Variants in NECAB2 observed in about 807,000 individuals in gnomAD.
NECAB2 encodes the protein N-terminal EF-hand calcium-binding protein 2.
A neutral mutation model predicts 51.9 loss-of-function variants in NECAB2; 68 were observed. That is an observed-to-expected ratio of 1.31 (90% CI 1.08 to 1.60). The LOEUF (loss-of-function observed/expected upper bound fraction) is 1.60, where lower values mean the gene tolerates loss of function less well. Ranked by LOEUF, NECAB2 falls within the 40% of genes most tolerant of loss-of-function variation. The pLI is 0.00. For synonymous variants in NECAB2, 329 were observed against 203.5 expected (o/e 1.62, Z -5.25); for missense variants, 854 against 490.3 (o/e 1.74, Z -7.00).
intron 8 of NECAB2, among the ~76,000 whole-genome samples, chr16:83,995,520 A>G (rs1019061589): frequency 6.6e-6 from 1 of 152,192 alleles, no homozygotes; most frequent in Admixed American, 6.5e-5. Flanking sequence ...GTTAGCAATT[A>G]TTATGAGGCA....
At chr16:84,000,925 A>C in intron 11 of NECAB2, 124 bp downstream of exon 11, 1 of 922,584 alleles carries the variant, frequency 1.1e-6, no homozygotes, top group Non-Finnish European at 1.7e-6. Context: ...TTCCCGAGGC[A>C]TCTACCCGCT....
At chr16:83,992,513 G>A (rs1297355408) in intron 6 of NECAB2, among the ~76,000 whole-genome samples, 9 of 152,204 alleles carry the variant, frequency 5.9e-5, no homozygotes, top group South Asian at 2.1e-4. Context: ...GCCAGGTGTC[G>A]GCACCCAAGC....
In NECAB2 at chr16:83,981,034, C is replaced by T. The variant is rs771772118; in HGVS notation, c.366C>T (p.Tyr122=). Residue 122 remains tyrosine (Y), a synonymous_variant, in exon 5 of 13, where the codon TAC becomes TAT. Transcript: ENST00000305202. ...CCTTTGCCTTTCCTTCCCCAGATTA[C>T]TTTGTGGACCACATGGGTGACTATG... is the stretch of plus-strand genomic sequence containing the variant. ...NHVDTKELCD[Y]FVDHMGDYED... 12 of 1,614,076 alleles carry T rather than the reference C, an allele frequency of 7.4e-6. No homozygotes were observed. The African/African-American group carries it at 1.1e-4, about 14-fold the overall frequency.
chr16:83,984,780 C>G (rs1175851430), intron 5 of NECAB2, among the ~76,000 whole-genome samples: 3 of 152,116 alleles, frequency 2.0e-5, no homozygotes, highest in Non-Finnish European at 4.4e-5. Flanking sequence ...TTAAGTTTCT[C>G]CCATTTTTCT....
At chr16:83,973,381 C>T (rs1451108959) in intron 2 of NECAB2, among the ~76,000 whole-genome samples, 1 of 152,132 alleles carries the variant, frequency 6.6e-6, no homozygotes, top group Admixed American at 6.5e-5. Flanking sequence ...GGTGCACAGG[C>T]CTGGGCTGGA....
chr16:83,976,082 C>T (rs190088406), intron 2 of NECAB2, among the ~76,000 whole-genome samples: 1 of 152,118 alleles, frequency 6.6e-6, no homozygotes, highest in Non-Finnish European at 1.5e-5. Context: ...GCAGAGGGGG[C>T]CCAAGGTACC....
rs998795128 is a variant in NECAB2 at position 83,989,629 on chromosome 16, A to G, written c.460-865A>G. 3.3e-5 allele frequency among the ~76,000 whole-genome samples: 5 copies of G among 152,238 alleles called. No homozygotes were observed. The East Asian group carries it at 9.7e-4, about 29-fold the overall frequency. On this transcript the variant is annotated intron_variant, in intron 5 of 12. Transcript: ENST00000305202. ...GGTTTGGGAGACCCAAGATCCCCCA[A>G]CACAGCATCATTTTCATCATCCCGT...
chr16:83,983,312 A>G (rs1353759739), intron 5 of NECAB2, among the ~76,000 whole-genome samples: 1 of 152,120 alleles, frequency 6.6e-6, no homozygotes, highest in Non-Finnish European at 1.5e-5. Context: ...TCTGCATTCT[A>G]ACACGTGCCC....
intron 12 of NECAB2, 145 bp from the exon 13 acceptor site, chr16:84,002,173 T>TTTGCACCTGGGTGACCAGC (rs1270853249): frequency 1.5e-5 from 17 of 1,124,342 alleles, no homozygotes; most frequent in Non-Finnish European, 2.3e-5. Flanking sequence ...AGGTGTGTGG[T>TTTGCACCTGGGTGACCAGC]TTGCACCTGG....
chr16:83,998,361 T>G, intron 10 of NECAB2, 44 bp downstream of exon 10: 1 of 1,570,406 alleles, frequency 6.4e-7, no homozygotes, highest in Non-Finnish European at 8.7e-7. Context: ...GGCAGGGAGC[T>G]CTGCCTGGCA....
Position 83,968,830 on chromosome 16 carries a change from G to T in NECAB2, c.182G>T (p.Gly61Val). 1 of 1,123,350 alleles carries T rather than the reference G, an allele frequency of 8.9e-7. No homozygotes were observed. The highest frequency in any genetic ancestry group is 1.1e-6 in the Non-Finnish European group (1 of 919,300). The allele number at this position is 1,123,350 out of a possible 1,614,324, so 69.6% of individuals were successfully genotyped here. ...ADPGPASPRG[G>V]TAVILDIFRR... ...CCCGGCCCAGCCTCGCCGCGCGGGG[G>T]CACCGCCGTCATCCTGGACGTGAGT... The change falls in exon 1 of 13, where the codon GGC (glycine) becomes GTC (valine). Residue 61 changes from glycine to valine, a missense_variant. Coordinates refer to ENST00000305202, the MANE Select transcript of NECAB2 (RefSeq NM_019065.3).
At chr16:83,973,992 G>A (rs1567663889) in intron 2 of NECAB2, among the ~76,000 whole-genome samples, 1 of 152,050 alleles carries the variant, frequency 6.6e-6, no homozygotes, top group Non-Finnish European at 1.5e-5. Context: ...GCACAGATGG[G>A]GTTCTGTCCT....
At chr16:83,993,666 GTGTC>G (rs1474949917) in intron 6 of NECAB2, 3 of 156,544 alleles carry the variant, frequency 1.9e-5, no homozygotes, top group African/African-American at 5.1e-5. Flanking sequence ...GTGTGTGTGT[GTGTC>G]TGCCTCTGCC....
At chr16:83,999,887 T>TGAGACC (rs1392553303) in intron 10 of NECAB2, among the ~76,000 whole-genome samples, 1 of 138,242 alleles carries the variant, frequency 7.2e-6, no homozygotes, top group African/African-American at 3.4e-5. Context: ...TTTTGATTTT[T>TGAGACC]AAAGGTTTTT....
At chr16:84,002,030 C>T (rs1253721831) in intron 12 of NECAB2, 114 bp downstream of exon 12, 14 of 1,223,666 alleles carry the variant, frequency 1.1e-5, no homozygotes, top group Non-Finnish European at 1.6e-5. Flanking sequence ...GGCCCACTGT[C>T]AGCTCCTGCC....
chr16:83,977,141 C>A (rs1295985556), intron 2 of NECAB2, among the ~76,000 whole-genome samples: 1 of 152,210 alleles, frequency 6.6e-6, no homozygotes, highest in Admixed American at 6.5e-5. Context: ...ACTCTCAGGG[C>A]CCTTGTCCCA....
At chr16:83,966,047 C>CGGAG (rs1451801237), upstream of NECAB2, 3 of 1,408,272 alleles carry the variant, frequency 2.1e-6, no homozygotes, top group South Asian at 2.8e-5. Context: ...CCTGAGAGGA[C>CGGAG]AGAGATGACC....
chr16:83,975,866 C>G (rs758836156), intron 2 of NECAB2, among the ~76,000 whole-genome samples: 131 of 152,306 alleles, frequency 8.6e-4, no homozygotes, highest in Admixed American at 2.0e-3. Context: ...AGCGCGGGCC[C>G]GCTTGGCCTG....
At chr16:83,983,129 A>T (rs182877605) in intron 5 of NECAB2, among the ~76,000 whole-genome samples, 3 of 152,244 alleles carry the variant, frequency 2.0e-5, no homozygotes, top group Non-Finnish European at 4.4e-5. Context: ...TCGGCCTCCC[A>T]AAGTGCTGGG....
Sources: gnomAD v4.1 joint callset for allele counts (sites outside exome capture counted in the v4.1 genomes callset) on GRCh38, gnomAD v4.1.1 for gene constraint, MANE v1.5 for transcripts, NCBI Gene and HGNC (gene_info 2026-07-23, HGNC 2026-07-21) for gene names.